The following MED12L variants were observed in gnomAD, a reference collection of about 807,000 sequenced individuals.
MED12L encodes the protein mediator complex subunit 12L, also known as mediator of RNA polymerase II transcription subunit 12-like protein.
In MED12L, 60 loss-of-function variants were observed where a neutral mutation model predicts 281.3. The observed-to-expected ratio is 0.21, with a 90% CI of 0.17 to 0.26. The LOEUF (loss-of-function observed/expected upper bound fraction) is 0.26, where lower values mean the gene tolerates loss of function less well. Ranked by LOEUF, MED12L falls within the 10% of genes least tolerant of loss-of-function variation. The probability of loss-of-function intolerance (pLI) is 1.00; values close to 1 mark genes in which losing one functional copy is unlikely to be tolerated. For missense variants in MED12L, 2,146 were observed against 2,680.9 expected (o/e 0.80, Z 4.41); for synonymous variants, 974 against 987.2 (o/e 0.99, Z 0.25).
intron 16 of MED12L, chr3:151,198,979 G>C: frequency 1.9e-6 from 3 of 1,613,860 alleles, no homozygotes; most frequent in Non-Finnish European, 2.5e-6. Context: ...GCCACACAAC[G>C]GTTGATATCA....
chr3:151,365,000 G>A lies in MED12L; in HGVS notation c.2979G>A (p.Lys993=). ...TCAGTAGTGCCTGTTCAAAAGTAAAGCAAACCATATATAATAACGTGATGC... is the reference window on the plus strand; with the variant it reads ...TCAGTAGTGCCTGTTCAAAAGTAAAACAAACCATATATAATAACGTGATGC... ...DLFSSACSKV[K]QTIYNNVMPA... Residue 993 remains lysine, a synonymous_variant, in exon 22 of 45, where the codon AAG becomes AAA. Coordinates refer to ENST00000687756, the MANE Select transcript of MED12L (RefSeq NM_001393769.1). 2 of 1,613,830 alleles carry A rather than the reference G, an allele frequency of 1.2e-6. No homozygotes were observed. The highest frequency in any genetic ancestry group is 1.1e-5 in the South Asian group (1 of 91,062).
chr3:151,147,524 T>G (rs932744681), intron 5 of MED12L, among the ~76,000 whole-genome samples: 1 of 152,246 alleles, frequency 6.6e-6, no homozygotes, highest in Non-Finnish European at 1.5e-5. Context: ...ACTCCCCATT[T>G]GCCTTCAGTA....
chr3:151,198,394 G>A (rs1177809541), intron 16 of MED12L: 2 of 1,492,242 alleles, frequency 1.3e-6, no homozygotes, highest in African/African-American at 2.8e-5. Flanking sequence ...GGTCCAGTAA[G>A]GCCAGAATTG....
At chr3:151,250,767 C>A (rs1480275710) in intron 16 of MED12L, among the ~76,000 whole-genome samples, 1 of 152,148 alleles carries the variant, frequency 6.6e-6, no homozygotes. Flanking sequence ...ACTTTCAGTT[C>A]TTTTGGTTAT....
In MED12L at chr3:151,127,977, G is replaced by C. The variant is rs148202747; in HGVS notation, c.549G>C (p.Pro183=). The change falls in exon 5 of 45, where the codon CCG becomes CCC. Residue 183 remains proline (P), a synonymous_variant. Coordinates refer to ENST00000687756, the MANE Select transcript of MED12L (RefSeq NM_001393769.1). The part of the protein sequence containing the change: ...AKIKKRQAPD[P]NLEWTQISTR... Reference sequence around the variant, plus strand: ...TTAAGAAACGTCAGGCTCCTGATCCGAATTTGGGTAAGTGAGAGAATACAA... The same window carrying C: ...TTAAGAAACGTCAGGCTCCTGATCCCAATTTGGGTAAGTGAGAGAATACAA... 1 of 1,610,904 alleles carries C rather than the reference G, an allele frequency of 6.2e-7. No homozygotes were observed. Among genetic ancestry groups the C allele is most frequent in the African/African-American group, 1.3e-5 (1 of 74,594 alleles).
chr3:151,086,949 G>T lies in MED12L; in HGVS notation c.23G>T (p.Ser8Ile). Residue 8 changes from serine to isoleucine, a missense_variant, in exon 2 of 45, where the codon AGC becomes ATC. Ser to Ile is a moderately radical substitution (Grantham distance 142, BLOSUM62 -2). This residue lies in a region of MED12L where 44 missense variants were observed against 39.7 expected (regional missense o/e 1.11). Transcript: ENST00000687756. ...ATCATGGCCGCCTTCGGGCTTCTCA[G>T]CTATGAGCAGAGACCGCTGAAGCGC... The part of the protein sequence containing the change: MAAFGLL[S>I]YEQRPLKRPR... 6.2e-7 allele frequency: 1 copy of T among 1,606,852 alleles called. No homozygotes were observed. Among genetic ancestry groups the T allele is most frequent in the Non-Finnish European group, 8.5e-7 (1 of 1,177,346 alleles).
intron 16 of MED12L, among the ~76,000 whole-genome samples, chr3:151,346,403 C>T (rs1029819216): frequency 1.3e-5 from 2 of 152,148 alleles, no homozygotes; most frequent in African/African-American, 4.8e-5. Flanking sequence ...TCATGCCCAA[C>T]TCCTGGTAAA....
intron 24 of MED12L, 100 bp from the exon 25 acceptor site, chr3:151,368,050 A>G (rs1295733372): frequency 9.9e-7 from 1 of 1,011,538 alleles, no homozygotes; most frequent in Non-Finnish European, 1.5e-6. Flanking sequence ...AGGAAAATTT[A>G]TTTAAATAAT....
At chr3:151,236,651 G>GT (rs1020649070) in intron 16 of MED12L, among the ~76,000 whole-genome samples, 14 of 151,850 alleles carry the variant, frequency 9.2e-5, no homozygotes, top group African/African-American at 3.4e-4. Flanking sequence ...ACAAATTTTT[G>GT]TAACATCTAT....
intron 39 of MED12L, among the ~76,000 whole-genome samples, chr3:151,396,948 T>C (rs962025769): frequency 1.3e-5 from 2 of 152,224 alleles, no homozygotes; most frequent in African/African-American, 4.8e-5. Flanking sequence ...CCTTGCATAT[T>C]TGGGGAAGTG....
intron 26 of MED12L, among the ~76,000 whole-genome samples, chr3:151,370,764 A>G (rs1756075573): frequency 6.6e-6 from 1 of 152,248 alleles, no homozygotes; most frequent in South Asian, 2.1e-4. Flanking sequence ...AGAAGCTAGC[A>G]AAGAATCAGT....
chr3:151,105,221 T>C (rs1721858088), intron 2 of MED12L, among the ~76,000 whole-genome samples: 2 of 152,142 alleles, frequency 1.3e-5, no homozygotes, highest in African/African-American at 4.8e-5. Context: ...CTCCCTTTCT[T>C]CCTGTTAGCT....
chr3:151,203,635 A>G (rs1232476783), intron 16 of MED12L, among the ~76,000 whole-genome samples: 1 of 152,096 alleles, frequency 6.6e-6, no homozygotes, highest in Non-Finnish European at 1.5e-5. Flanking sequence ...GAAGTAAACA[A>G]AAAGATGTGT....
intron 16 of MED12L, among the ~76,000 whole-genome samples, chr3:151,261,829 A>C (rs1400599560): frequency 6.6e-6 from 1 of 152,078 alleles, no homozygotes; most frequent in African/African-American, 2.4e-5. Flanking sequence ...GGTTCAATAC[A>C]TTCTTGTGCC....
chr3:151,239,332 C>A (rs558869383), intron 16 of MED12L, among the ~76,000 whole-genome samples: 1 of 152,150 alleles, frequency 6.6e-6, no homozygotes, highest in Non-Finnish European at 1.5e-5. Context: ...AAAAAACCAC[C>A]TGTTGAGTTT....
chr3:151,089,951 C>G (rs1430725898), intron 2 of MED12L, among the ~76,000 whole-genome samples: 3 of 152,200 alleles, frequency 2.0e-5, no homozygotes, highest in Non-Finnish European at 4.4e-5. Context: ...AAATATATTT[C>G]CAATCCACCA....
chr3:151,415,124 T>G (rs191358170), intron 42 of MED12L, among the ~76,000 whole-genome samples: 1 of 152,344 alleles, frequency 6.6e-6, no homozygotes, highest in African/African-American at 2.4e-5. Context: ...TTTTAAATCT[T>G]ATGTTGGTGT....
At chr3:151,269,397 T>G in intron 16 of MED12L, 1 of 142,568 alleles carries the variant, frequency 7.0e-6, no homozygotes, top group South Asian at 2.0e-4. Flanking sequence ...TGAAACTCCA[T>G]CACACACACA....
intron 2 of MED12L, among the ~76,000 whole-genome samples, chr3:151,091,737 TTGGCCTTCAAG>T: frequency 1.3e-5 from 2 of 152,330 alleles, no homozygotes; most frequent in South Asian, 4.1e-4. Flanking sequence ...ACCCTTTACC[TTGGCCTTCAAG>T]GCCCTACCAG....
Sources: allele counts gnomAD v4.1 joint callset (sites outside exome capture counted in the v4.1 genomes callset), GRCh38; gene constraint gnomAD v4.1.1; regional missense constraint gnomAD v4.1.1; transcripts MANE v1.5; gene names NCBI Gene and HGNC (gene_info 2026-07-23, HGNC 2026-07-21).